OPCML: variants seen among roughly 807,000 people sequenced by gnomAD.
The protein encoded by OPCML is opioid binding protein/cell adhesion molecule like.
Under a neutral mutation model 37.8 loss-of-function variants are expected in OPCML, and 13 were observed. The ratio of observed to expected loss-of-function variants is 0.34; its 90% confidence interval spans 0.22 to 0.55. The LOEUF (loss-of-function observed/expected upper bound fraction) is 0.55, where lower values mean the gene tolerates loss of function less well. OPCML is among the 20% of genes least tolerant of loss of function. The pLI is 0.91. For synonymous variants in OPCML, 176 were observed against 168.8 expected, an observed-to-expected ratio of 1.04 and a Z score of -0.33; for missense variants, 341 against 435.6, an observed-to-expected ratio of 0.78 and a Z score of 1.93.
intron 1 of OPCML, among the ~76,000 whole-genome samples, chr11:133,196,899 C>G (rs148833586): frequency 6.6e-6 from 1 of 152,184 alleles, no homozygotes; most frequent in Non-Finnish European, 1.5e-5. Context: ...TTACTGGAAG[C>G]AGGCGCAATT....
chr11:132,455,758 G>A (rs974411576), intron 4 of OPCML, among the ~76,000 whole-genome samples: 3 of 125,544 alleles, frequency 2.4e-5, no homozygotes, highest in Admixed American at 1.8e-4. Flanking sequence ...AACCTTCTTT[G>A]TCAAATTCAT....
chr11:132,755,834 CA>C (rs1415603015), intron 2 of OPCML, among the ~76,000 whole-genome samples: 1 of 152,184 alleles, frequency 6.6e-6, no homozygotes, highest in African/African-American at 2.4e-5. Context: ...CAGTTTTCTA[CA>C]CATCTCCAGA....
At chr11:132,790,451 T>C (rs1937823567) in intron 2 of OPCML, among the ~76,000 whole-genome samples, 1 of 152,238 alleles carries the variant, frequency 6.6e-6, no homozygotes, top group Non-Finnish European at 1.5e-5. Flanking sequence ...TATGCATGTA[T>C]CAAAATATCA....
At chr11:133,226,357 G>A (rs7930528) in intron 1 of OPCML, among the ~76,000 whole-genome samples, 5,165 of 152,280 alleles carry the variant, frequency 0.034, 209 homozygotes, top group African/African-American at 0.1. Flanking sequence ...TGGGGGGTTA[G>A]GGGTGTTCCA....
At chr11:133,070,280 T>C (rs1342942018) in intron 1 of OPCML, among the ~76,000 whole-genome samples, 1 of 152,190 alleles carries the variant, frequency 6.6e-6, no homozygotes, top group East Asian at 1.9e-4. Context: ...AAGCAAAGGC[T>C]GTCGTGTCTT....
intron 1 of OPCML, among the ~76,000 whole-genome samples, chr11:133,472,107 G>A (rs1947129489): frequency 6.6e-6 from 1 of 152,086 alleles, no homozygotes; most frequent in Non-Finnish European, 1.5e-5. Flanking sequence ...CTGTCAAAAA[G>A]ACAAGTGAAC....
intron 2 of OPCML, among the ~76,000 whole-genome samples, chr11:132,821,826 G>A (rs1940004978): frequency 6.6e-6 from 1 of 151,856 alleles, no homozygotes; most frequent in African/African-American, 2.4e-5. Flanking sequence ...GGGAGCCTTG[G>A]TGGGTCCTGC....
intron 1 of OPCML, among the ~76,000 whole-genome samples, chr11:133,189,466 G>A (rs1175563679): frequency 6.6e-6 from 1 of 152,100 alleles, no homozygotes; most frequent in African/African-American, 2.4e-5. Context: ...CTCTTAATTA[G>A]GAAGTATTGT....
At chr11:132,958,494 A>G (rs1946016457) in intron 1 of OPCML, among the ~76,000 whole-genome samples, 1 of 152,248 alleles carries the variant, frequency 6.6e-6, no homozygotes, top group African/African-American at 2.4e-5. Flanking sequence ...TCAACAGCAG[A>G]TCTTCAGTGT....
intron 1 of OPCML, among the ~76,000 whole-genome samples, chr11:133,461,220 A>G (rs1278885811): frequency 6.6e-6 from 1 of 151,966 alleles, no homozygotes; most frequent in Non-Finnish European, 1.5e-5. Flanking sequence ...TAGAAGTACA[A>G]GCCAGAGCAA....
chr11:132,549,394 G>A (rs949847061), intron 3 of OPCML, among the ~76,000 whole-genome samples: 1 of 152,272 alleles, frequency 6.6e-6, no homozygotes, highest in African/African-American at 2.4e-5. Context: ...CCCTTGCTTA[G>A]CATATAATCA....
intron 1 of OPCML, among the ~76,000 whole-genome samples, chr11:133,023,531 C>T (rs1328491946): frequency 1.3e-5 from 2 of 152,160 alleles, no homozygotes; most frequent in African/African-American, 2.4e-5. Context: ...GCTGGAGCCT[C>T]AAGGAAAGCC....
chr11:132,660,370 G>T (rs557105728), intron 2 of OPCML, among the ~76,000 whole-genome samples: 1 of 152,230 alleles, frequency 6.6e-6, no homozygotes, highest in East Asian at 1.9e-4. Flanking sequence ...CAATGATCTC[G>T]CAGCTGACAA....
intron 2 of OPCML, among the ~76,000 whole-genome samples, chr11:132,725,924 A>G (rs1429548345): frequency 6.6e-6 from 1 of 152,184 alleles, no homozygotes; most frequent in East Asian, 1.9e-4. Context: ...CCTTTGCTCT[A>G]GTTTCCCCAA....
intron 2 of OPCML, among the ~76,000 whole-genome samples, chr11:132,864,281 T>C (rs1369725473): frequency 6.6e-6 from 1 of 152,164 alleles, no homozygotes; most frequent in Non-Finnish European, 1.5e-5. Context: ...TTAATAAGTT[T>C]TGTGTACCTG....
Position 133,208,937 on chromosome 11 carries a change from A to T in OPCML, c.62-265927T>A, listed in dbSNP as rs1429082070. Among the ~76,000 whole-genome samples, 1 of 152,236 alleles carries T rather than the reference A, an allele frequency of 6.6e-6. No individual in the cohort carries two copies. Among genetic ancestry groups the T allele is most frequent in the Non-Finnish European group, 1.5e-5 (1 of 68,048 alleles). ...AACCAACCCACTCTTGGGAGAAGAC[A>T]TACTTACATGGAAACAACAATAATA... is the stretch of plus-strand genomic sequence containing the variant. On this transcript the variant is annotated intron_variant, in intron 1 of 7. Transcript: ENST00000524381. The surrounding 1 kb of genome is among the most constrained non-coding windows in gnomAD (Gnocchi z 8.9).
At chr11:133,449,774 A>G (rs1946543606) in intron 1 of OPCML, among the ~76,000 whole-genome samples, 1 of 151,666 alleles carries the variant, frequency 6.6e-6, no homozygotes, top group South Asian at 2.1e-4. Flanking sequence ...AATTAATTAC[A>G]TGTGCAGAGT....
Position 132,420,256 on chromosome 11 carries a change from G to A in OPCML, c.954C>T (p.Ser318=). The part of the protein sequence containing the change: ...GAVIDGVNSA[S]RALACLWLSG... Reference sequence around the variant, plus strand: ...ATAGCCAGAGACAAGCCAGTGCTCTGGAGGCCGAGTTTACACCATCAATGA... The same window carrying A: ...ATAGCCAGAGACAAGCCAGTGCTCTAGAGGCCGAGTTTACACCATCAATGA... Residue 318 remains serine, a synonymous_variant, in exon 8 of 8, where the codon TCC becomes TCT. Transcript: ENST00000524381. The A allele has an allele frequency of 6.2e-7, 1 of 1,613,898 alleles. No homozygotes were observed. Among genetic ancestry groups the A allele is most frequent in the Non-Finnish European group, 8.5e-7 (1 of 1,179,838 alleles).
Position 132,638,019 on chromosome 11 carries a change from A to G in OPCML, c.379+19068T>C, listed in dbSNP as rs545779736. Among the ~76,000 whole-genome samples the G allele has an allele frequency of 5.2e-4, 79 of 152,264 alleles. No individual in the cohort carries two copies. The South Asian group carries it at 0.016, about 31-fold the overall frequency. ...AAGTTGGAGAAGGACTTAGGAACTA[A>G]TATCATATTCTAAAGGGAAGAGTGG... On this transcript the variant is annotated intron_variant, in intron 3 of 7. Coordinates refer to ENST00000524381, the MANE Select transcript of OPCML (RefSeq NM_001012393.5).
Sources: allele counts gnomAD v4.1 joint callset (sites outside exome capture counted in the v4.1 genomes callset), GRCh38; gene constraint gnomAD v4.1.1; non-coding constraint Gnocchi (gnomAD v3.1); transcripts MANE v1.5; gene names NCBI Gene and HGNC (gene_info 2026-07-23, HGNC 2026-07-21).